The following KPNA6 variants were observed in gnomAD, a reference collection of about 807,000 sequenced individuals.
The protein encoded by KPNA6 is importin subunit alpha-7.
KPNA6 carries 9 observed loss-of-function variants against 72.0 expected under a neutral mutation model. The observed-to-expected ratio is 0.13, with a 90% confidence interval of 0.08 to 0.22. The LOEUF is 0.22. Ranked by LOEUF, KPNA6 falls within the 10% of genes least tolerant of loss-of-function variation. The pLI is 1.00. For synonymous variants in KPNA6, 219 were observed against 242.1 expected (o/e 0.90, Z 0.89); for missense variants, 374 against 655.7 (o/e 0.57, Z 4.69).
chr1:32,154,456 TATTG>T, intron 1 of KPNA6, 128 bp from the exon 2 acceptor site: 1 of 830,798 alleles, frequency 1.2e-6, no homozygotes, highest in Admixed American at 2.7e-5. Context: ...TGTCAGGTGC[TATTG>T]AGAGCTCCCA....
chr1:32,166,256 G>T (rs1481922231), intron 11 of KPNA6, 26 bp downstream of exon 11: 2 of 1,600,320 alleles, frequency 1.2e-6, no homozygotes, highest in Non-Finnish European at 1.7e-6. Flanking sequence ...AAGTCAAGGG[G>T]CATGGGAAGT....
chr1:32,132,930 C>G (rs191609923), intron 1 of KPNA6, among the ~76,000 whole-genome samples: 1 of 148,636 alleles, frequency 6.7e-6, no homozygotes, highest in East Asian at 2.1e-4. Flanking sequence ...ATATGGGGTC[C>G]CACTCTGTTG....
Position 32,167,234 on chromosome 1 carries a change from A to G in KPNA6, c.1182A>G (p.Thr394=). The change falls in exon 12 of 14, where the codon ACA becomes ACG. Residue 394 remains threonine, a synonymous_variant. Coordinates refer to ENST00000373625, the MANE Select transcript of KPNA6 (RefSeq NM_012316.5). ...TCCTTCAGAAAGCAGAGTTTCGTAC[A>G]AGGAAAGAGGCAGCCTGGGCCATCA... ...IEILQKAEFR[T]RKEAAWAITN... is the part of the protein sequence containing the mutation. The G allele has an allele frequency of 1.2e-6, 2 of 1,614,088 alleles. No homozygotes were observed. Among genetic ancestry groups the G allele is most frequent in the Admixed American group, 3.3e-5 (2 of 60,018 alleles).
At chr1:32,132,151 A>C (rs1426855152) in intron 1 of KPNA6, among the ~76,000 whole-genome samples, 1 of 151,792 alleles carries the variant, frequency 6.6e-6, no homozygotes, top group Non-Finnish European at 1.5e-5. Flanking sequence ...TTGTATTTTT[A>C]GTAGAGACAG....
At position 32,108,118 on chromosome 1, in the gene KPNA6, G is replaced by C. The variant is rs746600057; in HGVS notation, c.-13G>C. The C allele has an allele frequency of 1.2e-6, 2 of 1,614,028 alleles. No individual in the cohort carries two copies. The highest frequency in any genetic ancestry group is 1.7e-6 in the Non-Finnish European group (2 of 1,179,926). ...GTTGCCTCCGCCGCCAAGAGTGAGC[G>C]AGCGGACCCGCGATGGGTGAGTGAG... On this transcript the variant is annotated 5_prime_UTR_variant, in exon 1 of 14. Coordinates refer to ENST00000373625, the MANE Select transcript of KPNA6 (RefSeq NM_012316.5).
At chr1:32,142,702 G>C (rs1641860517) in intron 1 of KPNA6, among the ~76,000 whole-genome samples, 2 of 152,170 alleles carry the variant, frequency 1.3e-5, no homozygotes, top group African/African-American at 4.8e-5. Context: ...AGGACAGCCA[G>C]ATGCTAGAAA....
intron 1 of KPNA6, among the ~76,000 whole-genome samples, chr1:32,138,668 T>G (rs1008791582): frequency 2.0e-5 from 3 of 151,550 alleles, no homozygotes; most frequent in African/African-American, 7.3e-5. Context: ...CATTGAGAGG[T>G]TGGCTCTGGA....
At chr1:32,138,567 T>C (rs1022514957) in intron 1 of KPNA6, among the ~76,000 whole-genome samples, 3 of 115,490 alleles carry the variant, frequency 2.6e-5, no homozygotes, top group African/African-American at 9.8e-5. Context: ...AAAAAAAAAA[T>C]GGAGGTGGAA....
chr1:32,135,450 G>A (rs543089272), intron 1 of KPNA6, among the ~76,000 whole-genome samples: 1 of 150,684 alleles, frequency 6.6e-6, no homozygotes, highest in Non-Finnish European at 1.5e-5. Flanking sequence ...TGCCTACTTC[G>A]GCCTCCCAAA....
At chr1:32,161,795 C>G in intron 7 of KPNA6, 152 bp from the exon 8 acceptor site, 1 of 632,016 alleles carries the variant, frequency 1.6e-6, no homozygotes, top group South Asian at 1.9e-5. Context: ...GGCCTCCTAA[C>G]CTATACCAGC....
chr1:32,151,000 C>T (rs1333548498), intron 1 of KPNA6, among the ~76,000 whole-genome samples: 1 of 152,094 alleles, frequency 6.6e-6, no homozygotes, highest in Admixed American at 6.6e-5. Flanking sequence ...TAGCTCACTG[C>T]AGCCTTGAAG....
chr1:32,120,798 C>T lies in KPNA6; in HGVS notation c.4+12664C>T, dbSNP rs144876248. Reference sequence around the variant, plus strand: ...GGCCAGGCTGGTCTTGAACACCTGACCTCAGGTGATCCTCCCTCTTTGGCC... The same window carrying T: ...GGCCAGGCTGGTCTTGAACACCTGATCTCAGGTGATCCTCCCTCTTTGGCC... On this transcript the variant is annotated intron_variant, in intron 1 of 13. Transcript: ENST00000373625. 3.1e-3 allele frequency among the ~76,000 whole-genome samples: 474 copies of T among 151,846 alleles called. 1 individual carries two copies. Among genetic ancestry groups the T allele is most frequent in the African/African-American group, 0.011 (442 of 41,426 alleles).
chr1:32,121,017 C>T (rs1641424682), intron 1 of KPNA6, among the ~76,000 whole-genome samples: 1 of 152,112 alleles, frequency 6.6e-6, no homozygotes, highest in African/African-American at 2.4e-5. Context: ...ACTGAGATTA[C>T]AGGCATGTGC....
intron 1 of KPNA6, among the ~76,000 whole-genome samples, chr1:32,143,548 G>C (rs536106315): frequency 6.8e-6 from 1 of 147,520 alleles, no homozygotes; most frequent in Non-Finnish European, 1.5e-5. Context: ...ACTCCAGCCC[G>C]GGTGACAGAG....
chr1:32,124,621 C>T (rs1446114390), intron 1 of KPNA6, among the ~76,000 whole-genome samples: 2 of 151,774 alleles, frequency 1.3e-5, no homozygotes, highest in Non-Finnish European at 2.9e-5. Flanking sequence ...GTTCTCCTGC[C>T]TCAACCTCCT....
At chr1:32,135,493 TGGCCATTTTTTTTTTTTTTTTTAG>T (rs912372040) in intron 1 of KPNA6, among the ~76,000 whole-genome samples, 6 of 151,158 alleles carry the variant, frequency 4.0e-5, no homozygotes, top group African/African-American at 1.5e-4. Context: ...CCACCATGCT[TGGCCATTTTTTTTTTTTTTTTTAG>T]AGGCAGGGTC....
At chr1:32,139,662 GT>G (rs2124008675) in intron 1 of KPNA6, among the ~76,000 whole-genome samples, 1 of 152,268 alleles carries the variant, frequency 6.6e-6, no homozygotes, top group African/African-American at 2.4e-5. Context: ...AAATAAAAGG[GT>G]TGGGGGAGAG....
intron 1 of KPNA6, among the ~76,000 whole-genome samples, chr1:32,146,099 A>AT (rs1641924791): frequency 6.6e-6 from 1 of 152,176 alleles, no homozygotes; most frequent in South Asian, 2.1e-4. Context: ...AATGCCTTGT[A>AT]TATCTCTCTT....
In KPNA6 at chr1:32,173,065, A is replaced by AGAT; in HGVS notation, c.*2172_*2173insATG. 2.5e-6 allele frequency: 1 copy of AGAT among 397,102 alleles called. No homozygotes were observed. Among genetic ancestry groups the AGAT allele is most frequent in the Non-Finnish European group, 4.4e-6 (1 of 225,804 alleles). 24.6% of individuals were successfully genotyped at this position (397,102 alleles called of 1,614,324 possible). A position where few individuals can be genotyped will look rare whatever the true frequency, so the allele number is the denominator to read the frequency against. The stretch of plus-strand genomic sequence containing the variant: ...CTTGGTGAGTCATATGCCACTCATC[A>AGAT]GCTTGGGAATGATGGCTGCCAACTC... On this transcript the variant is annotated 3_prime_UTR_variant, in exon 14 of 14. Coordinates refer to ENST00000373625, the MANE Select transcript of KPNA6 (RefSeq NM_012316.5).
Sources: gnomAD v4.1 joint callset for allele counts (sites outside exome capture counted in the v4.1 genomes callset) on GRCh38, gnomAD v4.1.1 for gene constraint, MANE v1.5 for transcripts, NCBI Gene and HGNC (gene_info 2026-07-23, HGNC 2026-07-21) for gene names.